Variants in C2CD3 observed in about 807,000 individuals in gnomAD.
The protein encoded by C2CD3 is C2 domain containing 3 centriole elongation regulator.
C2CD3 carries 148 observed loss-of-function variants against 234.0 expected under a neutral mutation model. The ratio of observed to expected loss-of-function variants is 0.63; its 90% CI spans 0.55 to 0.72. The LOEUF (loss-of-function observed/expected upper bound fraction) is 0.72. C2CD3 is among the 30% of genes least tolerant of loss of function. C2CD3 has a pLI of 0.00. For synonymous variants in C2CD3, 1,000 were observed against 1,035.4 expected (o/e 0.97, Z 0.66); for missense variants, 2,577 against 2,811.5 (o/e 0.92, Z 1.89).
At chr11:74,164,424 C>T (rs185682403) in intron 2 of C2CD3, 1 of 169,002 alleles carries the variant, frequency 5.9e-6, no homozygotes, top group Non-Finnish European at 1.2e-5. Context: ...CCTTCTATTT[C>T]CTAAGGCAGT....
intron 7 of C2CD3, among the ~76,000 whole-genome samples, chr11:74,126,998 T>C (rs984460825): frequency 4.6e-5 from 7 of 152,184 alleles, no homozygotes; most frequent in Non-Finnish European, 7.3e-5. Flanking sequence ...AGTATATATA[T>C]TTGTTTGTGA....
intron 12 of C2CD3, among the ~76,000 whole-genome samples, chr11:74,107,446 G>T (rs1956570288): frequency 6.6e-6 from 1 of 151,958 alleles, no homozygotes; most frequent in Non-Finnish European, 1.5e-5. Flanking sequence ...CAATAATCAG[G>T]AATTATTAAG....
At chr11:74,042,644 G>A (rs973883037) in intron 28 of C2CD3, among the ~76,000 whole-genome samples, 1 of 151,712 alleles carries the variant, frequency 6.6e-6, no homozygotes, top group East Asian at 1.9e-4. Context: ...TCCCAGCTAC[G>A]CCAGAGGCCA....
chr11:74,094,494 C>CCGAATGG (rs1168040837), intron 17 of C2CD3, among the ~76,000 whole-genome samples: 1 of 152,118 alleles, frequency 6.6e-6, no homozygotes, highest in Non-Finnish European at 1.5e-5. Flanking sequence ...GGAACATACA[C>CCGAATGG]CGAATGGCAA....
Position 74,028,396 on chromosome 11 carries a change from G to A in C2CD3, c.6812C>T (p.Pro2271Leu). 1.3e-6 allele frequency: 2 copies of A among 1,531,824 alleles called. No individual in the cohort carries two copies. Among genetic ancestry groups the A allele is most frequent in the Admixed American group, 2.0e-5 (1 of 50,662 alleles). 94.9% of individuals were successfully genotyped at this position (1,531,824 alleles called of 1,614,324 possible). A position where few individuals can be genotyped will look rare whatever the true frequency, so the allele number is the denominator to read the frequency against. The change falls in exon 32 of 33, where the codon CCA (proline) becomes CTA (leucine). Residue 2271 changes from proline (P) to leucine (L), a missense_variant and splice_region_variant. Pro to Leu is a moderately conservative substitution (Grantham distance 98). Coordinates refer to ENST00000334126, the MANE Select transcript of C2CD3 (RefSeq NM_001286577.2). ...ETSTKQSLLL[P>L]GPIVVPNFFL... Reference sequence around the variant, plus strand: ...GAAGTTGGGCACCACAATGGGCCCTGGGCTACAATGGTAGTTAAGGGACAA... The same window carrying A: ...GAAGTTGGGCACCACAATGGGCCCTAGGCTACAATGGTAGTTAAGGGACAA...
chr11:74,159,169 T>C (rs1362291549), intron 3 of C2CD3, among the ~76,000 whole-genome samples: 1 of 152,236 alleles, frequency 6.6e-6, no homozygotes, highest in Non-Finnish European at 1.5e-5. Flanking sequence ...GATGCTGATG[T>C]AAACAAACCT....
chr11:74,037,403 G>A, intron 30 of C2CD3, 75 bp downstream of exon 30: 1 of 1,159,756 alleles, frequency 8.6e-7, no homozygotes, highest in Non-Finnish European at 1.3e-6. Flanking sequence ...CTTGTCCGAA[G>A]GAACACATTC....
chr11:74,114,837 G>T (rs1956871748), intron 9 of C2CD3, among the ~76,000 whole-genome samples: 1 of 152,048 alleles, frequency 6.6e-6, no homozygotes, highest in Non-Finnish European at 1.5e-5. Context: ...AAGTAGCTGG[G>T]ACCACAAGCA....
intron 13 of C2CD3, among the ~76,000 whole-genome samples, chr11:74,105,770 C>T (rs192512403): frequency 2.0e-3 from 312 of 152,296 alleles, no homozygotes; most frequent in African/African-American, 6.9e-3. Flanking sequence ...CACCATCAAT[C>T]ATCTCTTTTC....
At chr11:74,039,042 C>T (rs952994071) in intron 29 of C2CD3, among the ~76,000 whole-genome samples, 10 of 152,184 alleles carry the variant, frequency 6.6e-5, no homozygotes, top group Non-Finnish European at 2.9e-5. Context: ...TATTCTATCA[C>T]TAGAGGCCAA....
intron 29 of C2CD3, among the ~76,000 whole-genome samples, chr11:74,041,662 C>A (rs1200995422): frequency 6.6e-6 from 1 of 152,206 alleles, no homozygotes; most frequent in East Asian, 1.9e-4. Context: ...TCAATTCTCA[C>A]AGCGATTCTC....
chr11:74,092,324 G>A (rs1955926406), intron 19 of C2CD3, 92 bp downstream of exon 19: 2 of 1,186,504 alleles, frequency 1.7e-6, no homozygotes, highest in South Asian at 2.6e-5. Context: ...CAAAGTGCTG[G>A]GATTAGAGGT....
intron 11 of C2CD3, chr11:74,113,476 T>C (rs971546792): frequency 1.2e-5 from 4 of 339,918 alleles, no homozygotes; most frequent in African/African-American, 6.5e-5. Context: ...GTCAGGGGTT[T>C]GAGACCACCC....
In C2CD3 at chr11:74,132,098, C is replaced by T. The variant is rs1410441918; in HGVS notation, c.1217+746G>A. Among the ~76,000 whole-genome samples the T allele has an allele frequency of 2.0e-5, 3 of 152,164 alleles. No individual in the cohort carries two copies. The East Asian group carries it at 5.8e-4, about 29-fold the overall frequency. On this transcript the variant is annotated intron_variant, in intron 7 of 32. Transcript: ENST00000334126. ...AGGCACTGTGGCTCATGCTTGTAAT[C>T]CCAGCACTTTGGGAGGCTGAAGCGA...
At chr11:74,051,777 T>TGTACAGTATAAAAA (rs1221594410) in intron 26 of C2CD3, among the ~76,000 whole-genome samples, 6 of 152,348 alleles carry the variant, frequency 3.9e-5, no homozygotes, top group African/African-American at 1.4e-4. Context: ...GTACTTTTTA[T>TGTACAGTATAAAAA]GTCCCACACT....
chr11:74,078,820 C>T (rs1211319148), intron 22 of C2CD3, 103 bp from the exon 23 acceptor site: 2 of 1,119,456 alleles, frequency 1.8e-6, no homozygotes, highest in Non-Finnish European at 2.5e-6. Context: ...TGGCTCAAGA[C>T]AGAACAGAAA....
At chr11:74,151,475 T>C (rs1458405744) in intron 3 of C2CD3, among the ~76,000 whole-genome samples, 1 of 152,008 alleles carries the variant, frequency 6.6e-6, no homozygotes, top group African/African-American at 2.4e-5. Flanking sequence ...TACAGGCACA[T>C]GCCACCATGT....
chr11:74,110,179 A>G (rs1203255650), intron 11 of C2CD3, among the ~76,000 whole-genome samples: 1 of 146,204 alleles, frequency 6.8e-6, no homozygotes, highest in Non-Finnish European at 1.5e-5. Flanking sequence ...AATACTTACT[A>G]TTACTTACCA....
chr11:74,087,339 G>A (rs1394351377), intron 20 of C2CD3, among the ~76,000 whole-genome samples: 1 of 152,042 alleles, frequency 6.6e-6, no homozygotes. Flanking sequence ...TGAGGTGGAC[G>A]GATCACCTGA....
Sources: gnomAD v4.1 joint callset for allele counts (sites outside exome capture counted in the v4.1 genomes callset) on GRCh38, gnomAD v4.1.1 for gene constraint, MANE v1.5 for transcripts, NCBI Gene and HGNC (gene_info 2026-07-23, HGNC 2026-07-21) for gene names.